Variants in TRPM6 observed in about 807,000 individuals in gnomAD.
TRPM6 encodes transient receptor potential cation channel subfamily M member 6.
In TRPM6, 111 loss-of-function variants were observed where a neutral mutation model predicts 247.6. The observed-to-expected ratio is 0.45, with a 90% CI of 0.38 to 0.52. The LOEUF is 0.52. Ranked by LOEUF, TRPM6 falls within the 20% of genes least tolerant of loss-of-function variation. TRPM6 has a pLI of 0.00. For synonymous variants in TRPM6, 892 were observed against 853.8 expected, an observed-to-expected ratio of 1.04 and a Z score of -0.78; for missense variants, 2,126 against 2,421.5, an observed-to-expected ratio of 0.88 and a Z score of 2.56.
intron 3 of TRPM6, among the ~76,000 whole-genome samples, chr9:74,851,802 TAC>T (rs910189890): frequency 1.4e-4 from 21 of 148,094 alleles, no homozygotes; most frequent in African/African-American, 5.2e-4. Flanking sequence ...ATATATATAT[TAC>T]AGTCACTTAT....
At chr9:74,876,503 A>G (rs1310577826) in intron 1 of TRPM6, among the ~76,000 whole-genome samples, 1 of 152,236 alleles carries the variant, frequency 6.6e-6, no homozygotes, top group Non-Finnish European at 1.5e-5. Flanking sequence ...TCATTTTATG[A>G]AAGAGGATAC....
intron 19 of TRPM6, among the ~76,000 whole-genome samples, chr9:74,791,042 G>A (rs911492803): frequency 1.3e-5 from 2 of 152,140 alleles, no homozygotes; most frequent in African/African-American, 4.8e-5. Flanking sequence ...GATCTGGCTG[G>A]TTTTGTGCTA....
chr9:74,818,044 G>A (rs183574440), intron 9 of TRPM6, among the ~76,000 whole-genome samples: 3 of 152,176 alleles, frequency 2.0e-5, no homozygotes, highest in Non-Finnish European at 2.9e-5. Flanking sequence ...CTATGTGCAC[G>A]AATAAAATCA....
At chr9:74,786,401 C>T (rs1022409353) in intron 20 of TRPM6, among the ~76,000 whole-genome samples, 1 of 152,162 alleles carries the variant, frequency 6.6e-6, no homozygotes, top group Non-Finnish European at 1.5e-5. Context: ...TTCTAGCTTT[C>T]AATAATCCTG....
intron 18 of TRPM6, among the ~76,000 whole-genome samples, chr9:74,793,518 A>C (rs1827978866): frequency 6.6e-6 from 1 of 152,116 alleles, no homozygotes; most frequent in Non-Finnish European, 1.5e-5. Context: ...CACCTGGCTA[A>C]TTTTTGTATG....
chr9:74,763,487 A>T (rs1315350708), intron 25 of TRPM6, among the ~76,000 whole-genome samples: 3 of 152,306 alleles, frequency 2.0e-5, no homozygotes, highest in Non-Finnish European at 4.4e-5. Flanking sequence ...ATTCATTTAC[A>T]TGACAAACAC....
At chr9:74,776,366 C>G (rs888268932) in intron 23 of TRPM6, among the ~76,000 whole-genome samples, 1 of 152,036 alleles carries the variant, frequency 6.6e-6, no homozygotes, top group Non-Finnish European at 1.5e-5. Context: ...TTCTGGAACT[C>G]AACACTACTC....
intron 1 of TRPM6, among the ~76,000 whole-genome samples, chr9:74,861,978 C>T (rs1177610007): frequency 6.6e-6 from 1 of 151,294 alleles, no homozygotes; most frequent in Non-Finnish European, 1.5e-5. Context: ...GAAAATAGAA[C>T]TTCAGGAACC....
chr9:74,746,631 C>T (rs1433221522), intron 31 of TRPM6, among the ~76,000 whole-genome samples: 1 of 152,200 alleles, frequency 6.6e-6, no homozygotes, highest in African/African-American at 2.4e-5. Flanking sequence ...CCATTGAAGG[C>T]TTCTACCTGA....
At chr9:74,856,033 G>A (rs1830510989) in intron 2 of TRPM6, among the ~76,000 whole-genome samples, 1 of 151,996 alleles carries the variant, frequency 6.6e-6, no homozygotes, top group Admixed American at 6.6e-5. Flanking sequence ...AAACCATAAA[G>A]CACTATCAAA....
At chr9:74,743,273 G>C (rs893465209) in intron 32 of TRPM6, among the ~76,000 whole-genome samples, 3 of 152,172 alleles carry the variant, frequency 2.0e-5, no homozygotes, top group Non-Finnish European at 4.4e-5. Context: ...CACTACAAAG[G>C]AGAATTCAGG....
chr9:74,823,864 A>G (rs540714896), intron 7 of TRPM6, among the ~76,000 whole-genome samples: 1 of 152,168 alleles, frequency 6.6e-6, no homozygotes, highest in Non-Finnish European at 1.5e-5. Flanking sequence ...GAAAAACTAC[A>G]AAAGAAGCAT....
In TRPM6 at chr9:74,723,826, A is replaced by AATATATATATT. The variant is rs1825220380; in HGVS notation, c.*786_*787insAATATATATAT. 1 of 145,864 alleles carries AATATATATATT rather than the reference A, an allele frequency of 6.9e-6. No individual in the cohort carries two copies. The highest frequency in any genetic ancestry group is 1.5e-5 in the Non-Finnish European group (1 of 66,660). The allele number at this position is 145,864 out of a possible 1,614,324, so 9.0% of individuals were successfully genotyped here. ...AATAAAAATATATATATATATATAT[A>AATATATATATT]AAATATATATATTCCATATGTATTT... On this transcript the variant is annotated 3_prime_UTR_variant, in exon 39 of 39. Coordinates refer to ENST00000360774, the MANE Select transcript of TRPM6 (RefSeq NM_017662.5).
At chr9:74,793,590 A>G (rs994342602) in intron 18 of TRPM6, among the ~76,000 whole-genome samples, 9 of 152,226 alleles carry the variant, frequency 5.9e-5, no homozygotes, top group African/African-American at 9.6e-5. Flanking sequence ...AATGAACAAT[A>G]CAATTATTTC....
chr9:74,778,861 C>T (rs1377899150), intron 23 of TRPM6, among the ~76,000 whole-genome samples: 1 of 152,126 alleles, frequency 6.6e-6, no homozygotes, highest in Non-Finnish European at 1.5e-5. Flanking sequence ...CGAGTGTACA[C>T]CCCTAGTGAC....
At chr9:74,764,055 C>T (rs747129689) in intron 25 of TRPM6, among the ~76,000 whole-genome samples, 6 of 148,902 alleles carry the variant, frequency 4.0e-5, no homozygotes, top group African/African-American at 1.5e-4. Context: ...GAGACTGACG[C>T]GGAGGTTGCA....
chr9:74,869,308 A>G (rs1283058427), intron 1 of TRPM6, among the ~76,000 whole-genome samples: 1 of 152,016 alleles, frequency 6.6e-6, no homozygotes, highest in African/African-American at 2.4e-5. Flanking sequence ...GTCACTACTA[A>G]AAATACAAAA....
In TRPM6 at chr9:74,742,553, C is replaced by T. The variant is rs1173065182; in HGVS notation, c.5200+8G>A. The T allele has an allele frequency of 6.2e-7, 1 of 1,613,336 alleles. No homozygotes were observed. Among genetic ancestry groups the T allele is most frequent in the Non-Finnish European group, 8.5e-7 (1 of 1,179,416 alleles). On this transcript the variant is annotated splice_region_variant and intron_variant, in intron 33 of 38. Coordinates refer to ENST00000360774, the MANE Select transcript of TRPM6 (RefSeq NM_017662.5). Reference sequence around the variant, plus strand: ...GCATAAACTCAAGAAGGTAGAAATGCTACTCACCAAACAGTTGGACTGGTG... The same window carrying T: ...GCATAAACTCAAGAAGGTAGAAATGTTACTCACCAAACAGTTGGACTGGTG...
intron 14 of TRPM6, 52 bp downstream of exon 14, chr9:74,807,982 A>C: frequency 1.9e-6 from 3 of 1,610,312 alleles, no homozygotes; most frequent in Non-Finnish European, 2.5e-6. Flanking sequence ...TTTCCAAAAC[A>C]ACAATTCCTA....
Sources: allele counts gnomAD v4.1 joint callset (sites outside exome capture counted in the v4.1 genomes callset), GRCh38; gene constraint gnomAD v4.1.1; transcripts MANE v1.5; gene names NCBI Gene and HGNC (gene_info 2026-07-23, HGNC 2026-07-21).